UTRN: variants seen among roughly 807,000 people sequenced by gnomAD.
UTRN encodes the protein dystrophin-related protein 1.
In UTRN, 283 loss-of-function variants were observed where a neutral mutation model predicts 463.9. The ratio of observed to expected loss-of-function variants is 0.61; its 90% confidence interval spans 0.55 to 0.67. UTRN has a LOEUF of 0.67. UTRN is among the 30% of genes least tolerant of loss of function. The pLI, the probability that UTRN is intolerant of heterozygous loss-of-function variation, is 0.00. For synonymous variants in UTRN, 1,442 were observed against 1,431.5 expected, an observed-to-expected ratio of 1.01 and a Z score of -0.17; for missense variants, 3,922 against 4,084.3, an observed-to-expected ratio of 0.96 and a Z score of 1.08.
Position 144,711,247 on chromosome 6 carries a change from C to T in UTRN, c.7809+11004C>T, listed in dbSNP as rs11964172. Among the ~76,000 whole-genome samples the T allele has an allele frequency of 5.5e-3, 832 of 151,784 alleles. 8 individuals carry two copies. The highest frequency in any genetic ancestry group is 0.018 in the African/African-American group (749 of 41,390). ...AGTAGAATCGCTTGAACCCAGGGGGCGGAGGTTGCAGTGAACCAAGATCAC... is the reference window on the plus strand; with the variant it reads ...AGTAGAATCGCTTGAACCCAGGGGGTGGAGGTTGCAGTGAACCAAGATCAC... On this transcript the variant is annotated intron_variant, in intron 53 of 74. Transcript: ENST00000367545.
intron 52 of UTRN, among the ~76,000 whole-genome samples, chr6:144,687,402 G>A (rs1021645282): frequency 6.6e-6 from 1 of 151,988 alleles, no homozygotes; most frequent in Non-Finnish European, 1.5e-5. Flanking sequence ...GTGAGGAGTA[G>A]CTATTCTTAC....
At position 144,513,997 on chromosome 6, in the gene UTRN, T is replaced by C. The variant is rs772273078; in HGVS notation, c.5033T>C (p.Ile1678Thr). 7.4e-6 allele frequency: 12 copies of C among 1,613,802 alleles called. No individual in the cohort carries two copies. In the Admixed American group the frequency reaches 1.3e-4, roughly 18 times the overall value. The change falls in exon 36 of 75, where the codon ATT becomes ACT. Residue 1678 changes from isoleucine to threonine, a missense_variant. By Grantham distance (89) the Ile-to-Thr change is moderately conservative. Coordinates refer to ENST00000367545, the MANE Select transcript of UTRN (RefSeq NM_007124.3). Reference sequence around the variant, plus strand: ...CAAGCTGAAGCTCTATTGGATGAAATTGAAAAGAAACCAACAAGTAAACAG... The same window carrying C: ...CAAGCTGAAGCTCTATTGGATGAAACTGAAAAGAAACCAACAAGTAAACAG... ...LYQAEALLDEIEKKPTSKQEE... is the reference protein window; with the variant it reads ...LYQAEALLDETEKKPTSKQEE...
rs1358448216 is a variant in UTRN at position 144,453,692 on chromosome 6, A to G, written c.2197-90A>G. On this transcript the variant is annotated intron_variant, in intron 18 of 74. Coordinates refer to ENST00000367545, the MANE Select transcript of UTRN (RefSeq NM_007124.3). The stretch of plus-strand genomic sequence containing the variant: ...ACCTTTTCAGATTTAAAAAGAATGT[A>G]GGAGGGCCATTCAACTTAAACATTT... 3 of 996,762 alleles carry G rather than the reference A, an allele frequency of 3.0e-6. No individual in the cohort carries two copies. In the African/African-American group the frequency reaches 4.8e-5, roughly 16 times the overall value. 61.7% of individuals were successfully genotyped at this position (996,762 alleles called of 1,614,324 possible).
intron 2 of UTRN, among the ~76,000 whole-genome samples, chr6:144,354,502 C>T (rs1778383327): frequency 3.3e-5 from 5 of 152,202 alleles, no homozygotes; most frequent in Admixed American, 3.3e-4. Context: ...AAACAAAGCC[C>T]CTTTCTCTGG....
rs185296556 is a variant in UTRN, at chr6:144,654,286, G to T, written c.7480-24120G>T. On this transcript the variant is annotated intron_variant, in intron 51 of 74. Transcript: ENST00000367545. ...TGAAGCAGTAGCTCCACAATGAATG[G>T]ATTAGCCTCCAAGCATGAGAGAAAT... Among the ~76,000 whole-genome samples, 372 of 152,300 alleles carry T rather than the reference G, an allele frequency of 2.4e-3. 2 individuals carry two copies. The highest frequency in any genetic ancestry group is 3.4e-3 in the Middle Eastern group (1 of 294).
intron 16 of UTRN, among the ~76,000 whole-genome samples, chr6:144,448,124 TAGCC>T (rs1787876453): frequency 6.6e-6 from 1 of 152,194 alleles, no homozygotes; most frequent in African/African-American, 2.4e-5. Context: ...TTATTTATAA[TAGCC>T]AAAAAGTGGA....
chr6:144,635,535 CTTTTTTTTTTTTTTTTTT>C (rs1219903798), intron 51 of UTRN, among the ~76,000 whole-genome samples: 1 of 33,184 alleles, frequency 3.0e-5, no homozygotes, highest in Non-Finnish European at 5.3e-5. Context: ...TTTTTCTTTT[CTTTTTTTTTTTTTTTTTT>C]TTTTGAGAGG....
chr6:144,700,254 A>G lies in UTRN; in HGVS notation c.7809+11A>G. On this transcript the variant is annotated intron_variant, in intron 53 of 74. Coordinates refer to ENST00000367545, the MANE Select transcript of UTRN (RefSeq NM_007124.3). ...TATGACCATTGTAAGGTAAGTGGATAACCTATAGTGAGTCGCTTAATTCAA... is the reference window on the plus strand; with the variant it reads ...TATGACCATTGTAAGGTAAGTGGATGACCTATAGTGAGTCGCTTAATTCAA... The G allele has an allele frequency of 6.2e-7, 1 of 1,609,202 alleles. No individual in the cohort carries two copies. The highest frequency in any genetic ancestry group is 8.5e-7 in the Non-Finnish European group (1 of 1,177,008).
chr6:144,808,433 ATCT>A (rs1778335084), intron 65 of UTRN, among the ~76,000 whole-genome samples: 1 of 152,146 alleles, frequency 6.6e-6, no homozygotes, highest in South Asian at 2.1e-4. Context: ...CCCTACTCAG[ATCT>A]TCTTTAAAAT....
At chr6:144,426,747 G>A (rs1785326983) in intron 7 of UTRN, among the ~76,000 whole-genome samples, 1 of 152,130 alleles carries the variant, frequency 6.6e-6, no homozygotes, top group Non-Finnish European at 1.5e-5. Context: ...CACTCATTCA[G>A]CACTAACTGA....
chr6:144,762,036 C>T (rs745415892), intron 58 of UTRN, among the ~76,000 whole-genome samples: 3 of 152,126 alleles, frequency 2.0e-5, no homozygotes, highest in African/African-American at 7.2e-5. Context: ...AGGTGTTGTG[C>T]TGAATCTTGT....
intron 50 of UTRN, among the ~76,000 whole-genome samples, chr6:144,570,615 A>T (rs1261479461): frequency 6.6e-6 from 1 of 152,230 alleles, no homozygotes; most frequent in African/African-American, 2.4e-5. Context: ...AATATTTTTT[A>T]AAGTAGTATC....
intron 51 of UTRN, among the ~76,000 whole-genome samples, chr6:144,586,792 G>A (rs979116151): frequency 7.9e-5 from 12 of 152,036 alleles, no homozygotes; most frequent in Non-Finnish European, 1.6e-4. Flanking sequence ...ATAGAAAAAT[G>A]AGAAAAATTT....
At chr6:144,453,709 T>C (rs1788551410) in intron 18 of UTRN, 73 bp from the exon 19 acceptor site, 1 of 1,352,566 alleles carries the variant, frequency 7.4e-7, no homozygotes. Context: ...CCATTCAACT[T>C]AAACATTTAA....
chr6:144,748,839 CCT>C (rs1388131071), intron 55 of UTRN, among the ~76,000 whole-genome samples: 1 of 152,044 alleles, frequency 6.6e-6, no homozygotes, highest in African/African-American at 2.4e-5. Context: ...CCAGATTTCC[CCT>C]CTCTTCCTTT....
At chr6:144,644,762 C>T (rs987851177) in intron 51 of UTRN, among the ~76,000 whole-genome samples, 1 of 152,054 alleles carries the variant, frequency 6.6e-6, no homozygotes, top group African/African-American at 2.4e-5. Context: ...GTTGCCAGTA[C>T]CAAAATGGAG....
chr6:144,590,799 T>C (rs1802962005), intron 51 of UTRN, among the ~76,000 whole-genome samples: 1 of 151,780 alleles, frequency 6.6e-6, no homozygotes, highest in Admixed American at 6.6e-5. Context: ...CAGTTCCCTT[T>C]TCAGAAGATA....
chr6:144,433,605 A>C (rs1405092797), intron 9 of UTRN, among the ~76,000 whole-genome samples: 3 of 145,412 alleles, frequency 2.1e-5, no homozygotes, highest in African/African-American at 7.9e-5. Context: ...TGCCAGGCAG[A>C]GGGTCTCCTC....
chr6:144,422,972 G>A (rs1343914805), intron 4 of UTRN, among the ~76,000 whole-genome samples: 1 of 152,198 alleles, frequency 6.6e-6, no homozygotes, highest in Non-Finnish European at 1.5e-5. Flanking sequence ...GTAGAAAGAA[G>A]CTGCATAGGT....
Sources: allele counts gnomAD v4.1 joint callset (sites outside exome capture counted in the v4.1 genomes callset), GRCh38; gene constraint gnomAD v4.1.1; transcripts MANE v1.5; gene names NCBI Gene and HGNC (gene_info 2026-07-23, HGNC 2026-07-21).